MFSD6: variants seen among roughly 807,000 people sequenced by gnomAD.
MFSD6 encodes major facilitator superfamily domain containing 6, also known as major facilitator superfamily domain-containing protein 6.
In MFSD6, 26 loss-of-function variants were observed where a neutral mutation model predicts 56.3. The observed-to-expected ratio is 0.46, with a 90% CI of 0.34 to 0.64. MFSD6 has a LOEUF of 0.64. MFSD6 is among the 30% of genes least tolerant of loss of function. The pLI is 0.01. For synonymous variants in MFSD6, 331 were observed against 366.9 expected (o/e 0.90, Z 1.12); for missense variants, 750 against 986.2 (o/e 0.76, Z 3.21).
At chr2:190,482,883 T>TG (rs1688766705) in intron 4 of MFSD6, among the ~76,000 whole-genome samples, 1 of 35,760 alleles carries the variant, frequency 2.8e-5, no homozygotes, top group Non-Finnish European at 7.5e-5. Flanking sequence ...TTTTTTTTTT[T>TG]TTTTTTTTTT....
chr2:190,412,344 A>G lies in MFSD6; in HGVS notation c.-175-2948A>G, dbSNP rs1458227255. On this transcript the variant is annotated intron_variant, in intron 1 of 7. Transcript: ENST00000392328. The surrounding 1 kb of genome is among the most constrained non-coding windows in gnomAD (Gnocchi z 4.1). Reference sequence around the variant, plus strand: ...ACAGAAGAGATATTCTCACAATTTTAGGTATTATCCAACATTTCATTTTGG... The same window carrying G: ...ACAGAAGAGATATTCTCACAATTTTGGGTATTATCCAACATTTCATTTTGG... The G allele has an allele frequency of 9.9e-5, 97 of 984,106 alleles. No individual in the cohort carries two copies. Among genetic ancestry groups the G allele is most frequent in the Non-Finnish European group, 1.1e-4 (94 of 828,820 alleles). The allele number at this position is 984,106 out of a possible 1,614,324, so 61.0% of individuals were successfully genotyped here.
rs1010368537 is a variant in MFSD6, at chr2:190,497,809, A to G, written c.2172+90A>G. The G allele has an allele frequency of 3.5e-6, 5 of 1,419,490 alleles. No individual in the cohort carries two copies. In the African/African-American group the frequency reaches 7.2e-5, roughly 20 times the overall value. The allele number at this position is 1,419,490 out of a possible 1,614,324, so 87.9% of individuals were successfully genotyped here. On this transcript the variant is annotated intron_variant, in intron 7 of 7. Transcript: ENST00000392328. The surrounding 1 kb of genome is among the most constrained non-coding windows in gnomAD (Gnocchi z 5.2). ...TTTAATTACTCACTTTTCATTCAAC[A>G]AGATTTATTGAAAGTCTGGTGGGGG...
rs1690803687 is a variant in MFSD6 at position 190,416,989 on chromosome 2, T to G, written c.-54+1576T>G. 6.6e-6 allele frequency among the ~76,000 whole-genome samples: 1 copy of G among 151,928 alleles called. No homozygotes were observed. The highest frequency in any genetic ancestry group is 6.6e-5 in the Admixed American group (1 of 15,242). ...AAACAGTATTGAGAGCTTACAGGGG[T>G]AAAGGGCAATATGTTATGTTCTAGA... On this transcript the variant is annotated intron_variant, in intron 2 of 7. Coordinates refer to ENST00000392328, the MANE Select transcript of MFSD6 (RefSeq NM_017694.4). This position sits in a 1 kb window ranked among gnomAD's most constrained non-coding sequence, Gnocchi z 4.1.
intron 4 of MFSD6, among the ~76,000 whole-genome samples, chr2:190,473,770 C>G (rs549691317): frequency 6.6e-6 from 1 of 152,116 alleles, no homozygotes; most frequent in African/African-American, 2.4e-5. Context: ...AATATACATT[C>G]TTTTCAGCAC....
Position 190,496,632 on chromosome 2 carries a change from G to A in MFSD6, c.1892-807G>A, listed in dbSNP as rs143274349. Among the ~76,000 whole-genome samples the A allele has an allele frequency of 3.3e-5, 5 of 152,204 alleles. No homozygotes were observed. Among genetic ancestry groups the A allele is most frequent in the Non-Finnish European group, 7.4e-5 (5 of 68,000 alleles). ...CTGTAGTGTGTGTATGTATGTATAT[G>A]TGTGTATATATATGTATATGTGTAT... is the stretch of plus-strand genomic sequence containing the variant. On this transcript the variant is annotated intron_variant, in intron 6 of 7. Coordinates refer to ENST00000392328, the MANE Select transcript of MFSD6 (RefSeq NM_017694.4). This position sits in a 1 kb window ranked among gnomAD's most constrained non-coding sequence, Gnocchi z 4.7.
rs373548757 is a variant in MFSD6, at chr2:190,426,150, C to CT, written c.-53-9820dup. Among the ~76,000 whole-genome samples the CT allele has an allele frequency of 1.8e-3, 268 of 152,222 alleles. No individual in the cohort carries two copies. The highest frequency in any genetic ancestry group is 6.2e-3 in the African/African-American group (259 of 41,554). On this transcript the variant is annotated intron_variant, in intron 2 of 7. Coordinates refer to ENST00000392328, the MANE Select transcript of MFSD6 (RefSeq NM_017694.4). The surrounding 1 kb of genome is among the most constrained non-coding windows in gnomAD (Gnocchi z 4.7). ...ACTTCTTTGACAACTTTTTCACTCC[C>CT]TTTTTTTCTCCTCACCTTCCAGGAC...
rs1259104045 is a variant in MFSD6, at chr2:190,431,635, A to G, written c.-53-4342A>G. On this transcript the variant is annotated intron_variant, in intron 2 of 7. Coordinates refer to ENST00000392328, the MANE Select transcript of MFSD6 (RefSeq NM_017694.4). This position sits in a 1 kb window ranked among gnomAD's most constrained non-coding sequence, Gnocchi z 4.4. ...CAGGGGAATCAGGCAGGGAGGTTGC[A>G]GTGAGCCGAGATGGCAGCAGTACAG... Among the ~76,000 whole-genome samples the G allele has an allele frequency of 2.0e-5, 3 of 152,236 alleles. No homozygotes were observed. The highest frequency in any genetic ancestry group is 7.2e-5 in the African/African-American group (3 of 41,472).
chr2:190,439,078 C>T lies in MFSD6; in HGVS notation c.1532+1517C>T, dbSNP rs766688097. On this transcript the variant is annotated intron_variant, in intron 3 of 7. Coordinates refer to ENST00000392328, the MANE Select transcript of MFSD6 (RefSeq NM_017694.4). The surrounding 1 kb of genome is among the most constrained non-coding windows in gnomAD (Gnocchi z 5.8). ...GAGAGCCCACATAATATTAAGGACTCGGAATGCCCTTTAATTTTGTCCACA... is the reference window on the plus strand; with the variant it reads ...GAGAGCCCACATAATATTAAGGACTTGGAATGCCCTTTAATTTTGTCCACA... Among the ~76,000 whole-genome samples the T allele has an allele frequency of 7.2e-5, 11 of 151,976 alleles. No individual in the cohort carries two copies. The highest frequency in any genetic ancestry group is 4.8e-5 in the African/African-American group (2 of 41,362).
intron 3 of MFSD6, among the ~76,000 whole-genome samples, chr2:190,468,816 G>C (rs1406397606): frequency 6.6e-6 from 1 of 152,058 alleles, no homozygotes; most frequent in Admixed American, 6.6e-5. Flanking sequence ...TATCGTGTTG[G>C]TTTATTTCTT....
chr2:190,466,974 T>G (rs1225655239), intron 3 of MFSD6, among the ~76,000 whole-genome samples: 1 of 152,190 alleles, frequency 6.6e-6, no homozygotes, highest in Non-Finnish European at 1.5e-5. Context: ...CAATTGACAC[T>G]GGGTTATTTT....
chr2:190,422,190 C>T lies in MFSD6; in HGVS notation c.-54+6777C>T, dbSNP rs140785743. On this transcript the variant is annotated intron_variant, in intron 2 of 7. Coordinates refer to ENST00000392328, the MANE Select transcript of MFSD6 (RefSeq NM_017694.4). Reference sequence around the variant, plus strand: ...AGTTATTCATCCTTGAATGTTTCACCAGCCATCTAAATTTCCTCTTAGGAC... The same window carrying T: ...AGTTATTCATCCTTGAATGTTTCACTAGCCATCTAAATTTCCTCTTAGGAC... Among the ~76,000 whole-genome samples, 3 of 152,282 alleles carry T rather than the reference C, an allele frequency of 2.0e-5. No individual in the cohort carries two copies. In the East Asian group the frequency reaches 5.8e-4, roughly 29 times the overall value.
Position 190,426,434 on chromosome 2 carries a change from T to TTCAAGCATGTTTATAATTGCCTA in MFSD6, c.-53-9540_-53-9518dup, listed in dbSNP as rs1685786669. 6.6e-6 allele frequency among the ~76,000 whole-genome samples: 1 copy of TTCAAGCATGTTTATAATTGCCTA among 152,208 alleles called. No homozygotes were observed. Among genetic ancestry groups the TTCAAGCATGTTTATAATTGCCTA allele is most frequent in the Non-Finnish European group, 1.5e-5 (1 of 68,036 alleles). On this transcript the variant is annotated intron_variant, in intron 2 of 7. Coordinates refer to ENST00000392328, the MANE Select transcript of MFSD6 (RefSeq NM_017694.4). This position sits in a 1 kb window ranked among gnomAD's most constrained non-coding sequence, Gnocchi z 4.7. ...AGACTTTCTGTTTTTTTTGTTTTGT[T>TTCAAGCATGTTTATAATTGCCTA]TCAAGCATGTTTATAATTGCCTATC... is the stretch of plus-strand genomic sequence containing the variant.
At chr2:190,478,277 A>G (rs541011377) in intron 4 of MFSD6, among the ~76,000 whole-genome samples, 37 of 152,266 alleles carry the variant, frequency 2.4e-4, no homozygotes, top group African/African-American at 8.9e-4. Context: ...TCCTAGTGCA[A>G]CAGAGGGCTC....
chr2:190,411,249 T>C (rs1430702172), intron 1 of MFSD6: 1 of 576,800 alleles, frequency 1.7e-6, no homozygotes, highest in Non-Finnish European at 2.2e-6. Flanking sequence ...AACCTCTGCC[T>C]CCTGGGTTCA....
Position 190,498,934 on chromosome 2 carries a change from G to A in MFSD6, c.2173-1081G>A. On this transcript the variant is annotated intron_variant, in intron 7 of 7. Transcript: ENST00000392328. This position sits in a 1 kb window ranked among gnomAD's most constrained non-coding sequence, Gnocchi z 5.9. ...GGAGGCCGAGGTGGGTGGATCACGA[G>A]GTCAGGAGTTCAAGACCAGCCTGGC... Among the ~76,000 whole-genome samples the A allele has an allele frequency of 6.6e-6, 1 of 152,038 alleles. No individual in the cohort carries two copies. Among genetic ancestry groups the A allele is most frequent in the East Asian group, 1.9e-4 (1 of 5,188 alleles).
At position 190,465,082 on chromosome 2, in the gene MFSD6, G is replaced by A; in HGVS notation, c.1533-4676G>A. 4.7e-6 allele frequency: 1 copy of A among 215,034 alleles called. No individual in the cohort carries two copies. Among genetic ancestry groups the A allele is most frequent in the Non-Finnish European group, 8.0e-6 (1 of 125,300 alleles). 13.3% of individuals were successfully genotyped at this position (215,034 alleles called of 1,614,324 possible). On this transcript the variant is annotated intron_variant, in intron 3 of 7. Coordinates refer to ENST00000392328, the MANE Select transcript of MFSD6 (RefSeq NM_017694.4). The surrounding 1 kb of genome is among the most constrained non-coding windows in gnomAD (Gnocchi z 4.6). Reference sequence around the variant, plus strand: ...TTTATTATAAGATAACCACAAATCAGCTTAAACTGCTAATACTGTGAATTG... The same window carrying A: ...TTTATTATAAGATAACCACAAATCAACTTAAACTGCTAATACTGTGAATTG...
chr2:190,427,933 C>G (rs1268881289), intron 2 of MFSD6, among the ~76,000 whole-genome samples: 1 of 152,082 alleles, frequency 6.6e-6, no homozygotes, highest in East Asian at 1.9e-4. Context: ...GGTTTCACCA[C>G]GTTGATCAGA....
In MFSD6 at chr2:190,437,067, C is replaced by T. The variant is rs758539725; in HGVS notation, c.1038C>T (p.Ile346=). 3.7e-6 allele frequency: 6 copies of T among 1,614,074 alleles called. No homozygotes were observed. The highest frequency in any genetic ancestry group is 2.2e-5 in the East Asian group (1 of 44,888). ...GLAMLSVGIG[I]DYTHIEVLID... ...CGATGCTGTCTGTGGGCATCGGGAT[C>T]GACTACACCCACATCGAAGTGCTCA... The change falls in exon 3 of 8, where the codon ATC becomes ATT. Residue 346 remains isoleucine (I), a synonymous_variant. Coordinates refer to ENST00000392328, the MANE Select transcript of MFSD6 (RefSeq NM_017694.4). The surrounding 1 kb of genome is among the most constrained non-coding windows in gnomAD (Gnocchi z 5.9).
intron 2 of MFSD6, among the ~76,000 whole-genome samples, chr2:190,427,797 T>G (rs1033187097): frequency 6.6e-6 from 1 of 152,000 alleles, no homozygotes; most frequent in Non-Finnish European, 1.5e-5. Flanking sequence ...AATGGCACAA[T>G]CTTGGCTCAC....
Sources: gnomAD v4.1 joint callset for allele counts (sites outside exome capture counted in the v4.1 genomes callset) on GRCh38, gnomAD v4.1.1 for gene constraint, Gnocchi (gnomAD v3.1) non-coding constraint, MANE v1.5 for transcripts, NCBI Gene and HGNC (gene_info 2026-07-23, HGNC 2026-07-21) for gene names.